The following CAST variants were observed in gnomAD, a reference collection of about 807,000 sequenced individuals.
CAST encodes calpastatin, also known as MIR583 host.
CAST carries 76 observed loss-of-function variants against 119.6 expected under a neutral mutation model. That is an observed-to-expected ratio of 0.64 (90% CI 0.53 to 0.77). CAST has a LOEUF of 0.77. Ranked by LOEUF, CAST falls within the 30% of genes least tolerant of loss-of-function variation. The probability of loss-of-function intolerance (pLI) is 0.00; values close to 1 mark genes in which losing one functional copy is unlikely to be tolerated. For missense variants in CAST, 953 were observed against 946.5 expected, an observed-to-expected ratio of 1.01 and a Z score of -0.09; for synonymous variants, 319 against 331.6, an observed-to-expected ratio of 0.96 and a Z score of 0.41.
the CAST span, among the ~76,000 whole-genome samples, chr5:95,984,036 A>G: frequency 6.6e-6 from 1 of 152,182 alleles, no homozygotes; most frequent in Non-Finnish European, 1.5e-5. Flanking sequence ...GCCCCAACAT[A>G]CATGCCAGAG....
the CAST span, among the ~76,000 whole-genome samples, chr5:96,107,898 T>C: frequency 6.6e-6 from 1 of 152,168 alleles, no homozygotes; most frequent in Non-Finnish European, 1.5e-5. Context: ...CATAGTCCCA[T>C]ATTTCTTGGA....
chr5:96,753,977 G>C, intron 20 of CAST, 83 bp from the exon 21 acceptor site: 3 of 781,260 alleles, frequency 3.8e-6, no homozygotes, highest in Admixed American at 1.9e-5. Context: ...CTGAAATAAT[G>C]ATATGCCTTT....
the CAST span, among the ~76,000 whole-genome samples, chr5:96,048,102 C>T: frequency 2.0e-5 from 3 of 152,168 alleles, no homozygotes; most frequent in African/African-American, 4.8e-5. Flanking sequence ...CTATTATGCA[C>T]TTAATATTGT....
chr5:96,293,172 A>C, the CAST span, among the ~76,000 whole-genome samples: 2 of 152,166 alleles, frequency 1.3e-5, no homozygotes, highest in African/African-American at 4.8e-5. Flanking sequence ...GGCAGCCCTG[A>C]GGGGAGGTTA....
At chr5:96,158,046 CT>C in the CAST span, among the ~76,000 whole-genome samples, 1 of 150,784 alleles carries the variant, frequency 6.6e-6, no homozygotes, top group Non-Finnish European at 1.5e-5. Flanking sequence ...CAGTGCCCCC[CT>C]TACACCCCCC....
intron 1 of CAST, among the ~76,000 whole-genome samples, chr5:96,551,336 A>G (rs1163304590): frequency 6.6e-6 from 1 of 152,196 alleles, no homozygotes; most frequent in African/African-American, 2.4e-5. Flanking sequence ...AAGTGAAGGA[A>G]AAACAAAATC....
At chr5:95,999,304 T>C in the CAST span, among the ~76,000 whole-genome samples, 6 of 152,294 alleles carry the variant, frequency 3.9e-5, no homozygotes, top group Admixed American at 2.0e-4. Context: ...ATAACATTTA[T>C]TGCTGAATAG....
rs192858755 is a variant in CAST at position 96,665,831 on chromosome 5, A to G, written c.75+3334A>G. Among the ~76,000 whole-genome samples, 171 of 152,278 alleles carry G rather than the reference A, an allele frequency of 1.1e-3. 1 individual carries two copies. The highest frequency in any genetic ancestry group is 3.5e-3 in the African/African-American group (145 of 41,572). ...GTGCATATTTATATATAATACACAC[A>G]TGCATGTATAATACATATGTAGACA... On this transcript the variant is annotated intron_variant, in intron 1 of 31. Coordinates refer to ENST00000675179, the MANE Select transcript of CAST (RefSeq NM_001750.7).
At chr5:96,630,418 G>A (rs4869301) in intron 1 of CAST, among the ~76,000 whole-genome samples, 24,036 of 152,138 alleles carry the variant, frequency 0.16, 2,942 homozygotes, top group African/African-American at 0.35. Context: ...TACTGAACAA[G>A]TAAGTTACTT....
the CAST span, among the ~76,000 whole-genome samples, chr5:96,503,109 G>A: frequency 6.6e-6 from 1 of 152,194 alleles, no homozygotes; most frequent in Non-Finnish European, 1.5e-5. Context: ...CTTGTCTTCA[G>A]AGTACTGTAA....
At chr5:96,551,738 T>C (rs1456274814) in intron 1 of CAST, among the ~76,000 whole-genome samples, 1 of 151,316 alleles carries the variant, frequency 6.6e-6, no homozygotes, top group Admixed American at 6.6e-5. Context: ...ACCAAGAAAA[T>C]AGAAAGCAAG....
chr5:95,991,492 GTTTTGTTT>G, the CAST span, among the ~76,000 whole-genome samples: 5 of 123,314 alleles, frequency 4.1e-5, no homozygotes, highest in Non-Finnish European at 8.5e-5. Flanking sequence ...TTAACAACAA[GTTTTGTTT>G]TTTTTTTTTT....
At chr5:96,032,646 T>C in the CAST span, among the ~76,000 whole-genome samples, 3 of 152,252 alleles carry the variant, frequency 2.0e-5, no homozygotes, top group Non-Finnish European at 2.9e-5. Context: ...CACTTTGCCA[T>C]TCCTCCAAAA....
At chr5:96,054,167 C>G in the CAST span, among the ~76,000 whole-genome samples, 2 of 151,736 alleles carry the variant, frequency 1.3e-5, no homozygotes, top group African/African-American at 4.8e-5. Flanking sequence ...AGTTTTTTTC[C>G]AAACCAGTTT....
the CAST span, among the ~76,000 whole-genome samples, chr5:96,369,134 C>A: frequency 2.0e-5 from 3 of 151,310 alleles, no homozygotes; most frequent in Non-Finnish European, 2.9e-5. Context: ...GCGTTTTTAT[C>A]TATATATTTT....
chr5:95,965,599 ATCTT>A, the CAST span, among the ~76,000 whole-genome samples: 1 of 152,202 alleles, frequency 6.6e-6, no homozygotes, highest in African/African-American at 2.4e-5. Flanking sequence ...CAGAGAGAAA[ATCTT>A]TCCCTTTTAA....
At chr5:96,113,661 A>G in the CAST span, among the ~76,000 whole-genome samples, 1 of 152,204 alleles carries the variant, frequency 6.6e-6, no homozygotes, top group African/African-American at 2.4e-5. Flanking sequence ...GGTGCCAGGG[A>G]GCTGAAGCCT....
At chr5:96,302,122 T>C in the CAST span, among the ~76,000 whole-genome samples, 4 of 152,204 alleles carry the variant, frequency 2.6e-5, no homozygotes, top group African/African-American at 9.6e-5. Flanking sequence ...ACTTGCAGGC[T>C]TAATACCACG....
chr5:96,524,792 A>G (rs1745573481), upstream of CAST, among the ~76,000 whole-genome samples: 1 of 152,216 alleles, frequency 6.6e-6, no homozygotes, highest in African/African-American at 2.4e-5. Context: ...GGCAGACAGA[A>G]GCTTAGGGAG....
Sources: gnomAD v4.1 joint callset for allele counts (sites outside exome capture counted in the v4.1 genomes callset) on GRCh38, gnomAD v4.1.1 for gene constraint, MANE v1.5 for transcripts, NCBI Gene and HGNC (gene_info 2026-07-23, HGNC 2026-07-21) for gene names.